PRR5: variants seen among roughly 807,000 people sequenced by gnomAD.
The protein encoded by PRR5 is proline-rich protein 5.
A neutral mutation model predicts 30.6 loss-of-function variants in PRR5; 25 were observed. That is an observed-to-expected ratio of 0.82 (90% confidence interval 0.60 to 1.14). The LOEUF is 1.14. Ranked by LOEUF, PRR5 falls within the 50% of genes most tolerant of loss-of-function variation. The pLI is 0.00. For missense variants in PRR5, 600 were observed against 547.1 expected (o/e 1.10, Z -0.96); for synonymous variants, 286 against 247.1 (o/e 1.16, Z -1.48).
chr22:44,669,281 G>A (rs1321824671), intron 1 of PRR5, among the ~76,000 whole-genome samples: 1 of 152,122 alleles, frequency 6.6e-6, no homozygotes, highest in Non-Finnish European at 1.5e-5. Flanking sequence ...AAAGATGGTC[G>A]AGGATGGGGG....
At chr22:44,673,615 C>T (rs1036171122), upstream of PRR5, among the ~76,000 whole-genome samples, 3 of 152,164 alleles carry the variant, frequency 2.0e-5, no homozygotes, top group African/African-American at 7.2e-5. Flanking sequence ...GGTGGATAGA[C>T]GTGTGGCTCC....
chr22:44,713,248 C>T (rs928356284), intron 1 of PRR5, among the ~76,000 whole-genome samples: 3 of 152,194 alleles, frequency 2.0e-5, no homozygotes, highest in African/African-American at 7.2e-5. Flanking sequence ...GAGGCCAGCT[C>T]CTGTCATCCG....
chr22:44,701,744 G>T (rs1926315766), upstream of PRR5, among the ~76,000 whole-genome samples: 1 of 152,250 alleles, frequency 6.6e-6, no homozygotes, highest in African/African-American at 2.4e-5. Context: ...GGGCCAAGGT[G>T]CCTGGAGGGG....
upstream of PRR5, among the ~76,000 whole-genome samples, chr22:44,698,866 C>A (rs1926004223): frequency 6.6e-6 from 1 of 152,238 alleles, no homozygotes; most frequent in Admixed American, 6.5e-5. Context: ...TTGCCCCCTG[C>A]TCTGAGGGTT....
intron 2 of PRR5, among the ~76,000 whole-genome samples, chr22:44,721,972 C>T (rs1209928130): frequency 6.6e-6 from 1 of 152,160 alleles, no homozygotes; most frequent in Non-Finnish European, 1.5e-5. Context: ...GCTGCGTGGA[C>T]GTGGGGATCA....
chr22:44,712,293 A>G (rs1928367910), intron 1 of PRR5, among the ~76,000 whole-genome samples: 1 of 152,210 alleles, frequency 6.6e-6, no homozygotes, highest in Non-Finnish European at 1.5e-5. Flanking sequence ...CCCGCTGAGA[A>G]GCTGATGAAG....
chr22:44,679,241 C>CACAG (rs58797334), intron 1 of PRR5: 30,942 of 152,358 alleles, frequency 0.2, 3,885 homozygotes, highest in East Asian at 0.38. Context: ...CCCACAAACA[C>CACAG]ACAGACAGAA....
In PRR5 at chr22:44,692,583, G is replaced by A. The variant is rs201636975; in HGVS notation, c.-10-9909G>A. 6.0e-5 allele frequency among the ~76,000 whole-genome samples: 9 copies of A among 151,110 alleles called. No individual in the cohort carries two copies. The East Asian group carries it at 1.6e-3, about 27-fold the overall frequency. ...TCCTCCACCCAGGGCTCCTCCTCCC[G>A]GGGCTCCTCCTCCCAGGGCAGTGTC... On this transcript the variant is annotated intron_variant, in intron 1 of 8. Coordinates refer to the PRR5 transcript ENST00000006251.
At chr22:44,680,248 C>T (rs1021090469) in intron 1 of PRR5, among the ~76,000 whole-genome samples, 15 of 152,306 alleles carry the variant, frequency 9.8e-5, no homozygotes, top group African/African-American at 3.4e-4. Flanking sequence ...TGCTGTACCT[C>T]TCTGAGTCTC....
intron 6 of PRR5, 130 bp downstream of exon 6, chr22:44,732,521 A>G (rs1922216339): frequency 1.2e-5 from 16 of 1,377,250 alleles, no homozygotes; most frequent in East Asian, 2.5e-5. Flanking sequence ...TCAGAGGAGA[A>G]GCCTGTCAGG....
chr22:44,711,848 C>T (rs541705117), intron 1 of PRR5, among the ~76,000 whole-genome samples: 6 of 152,280 alleles, frequency 3.9e-5, no homozygotes, highest in Non-Finnish European at 7.4e-5. Context: ...CCTGGCATCT[C>T]CACTGCCTCC....
At chr22:44,680,426 A>T (rs9614875) in intron 1 of PRR5, among the ~76,000 whole-genome samples, 13,959 of 152,202 alleles carry the variant, frequency 0.092, 814 homozygotes, top group East Asian at 0.27. Context: ...GGATGGGGAC[A>T]GAAGTGAGCA....
In PRR5 at chr22:44,737,523, C is replaced by T; in HGVS notation, c.*276C>T. 2 of 523,682 alleles carry T rather than the reference C, an allele frequency of 3.8e-6. No individual in the cohort carries two copies. Among genetic ancestry groups the T allele is most frequent in the Non-Finnish European group, 3.2e-6 (1 of 311,916 alleles). 32.4% of individuals were successfully genotyped at this position (523,682 alleles called of 1,614,324 possible). A position where few individuals can be genotyped will look rare whatever the true frequency, so the allele number is the denominator to read the frequency against. Reference sequence around the variant, plus strand: ...CCGCTCGCTCCCACGCTCCTCCTGCCCCAGCCCTCTGGTGTCCACACCTGC... The same window carrying T: ...CCGCTCGCTCCCACGCTCCTCCTGCTCCAGCCCTCTGGTGTCCACACCTGC... On this transcript the variant is annotated 3_prime_UTR_variant, in exon 8 of 8. Coordinates refer to ENST00000336985, the MANE Select transcript of PRR5 (RefSeq NM_181333.4).
At chr22:44,697,240 G>C (rs1036072042), upstream of PRR5, among the ~76,000 whole-genome samples, 3 of 152,194 alleles carry the variant, frequency 2.0e-5, no homozygotes, top group Non-Finnish European at 4.4e-5. Context: ...GAGTCACCGC[G>C]AGTACCCTGG....
chr22:44,677,943 C>T (rs1241929101), intron 1 of PRR5, among the ~76,000 whole-genome samples: 1 of 152,186 alleles, frequency 6.6e-6, no homozygotes, highest in Non-Finnish European at 1.5e-5. Flanking sequence ...GAGGCCCTGG[C>T]AGGCTTTGCA....
intron 2 of PRR5, 53 bp from the exon 3 acceptor site, chr22:44,725,191 A>C (rs1569102804): frequency 6.8e-6 from 11 of 1,606,006 alleles, no homozygotes; most frequent in Non-Finnish European, 9.4e-6. Flanking sequence ...TGGGTCCCCC[A>C]TGCCAGTGCC....
intron 1 of PRR5, among the ~76,000 whole-genome samples, chr22:44,709,409 T>A (rs932614455): frequency 5.3e-5 from 8 of 152,078 alleles, no homozygotes; most frequent in Non-Finnish European, 1.2e-4. Flanking sequence ...GTCACGCTGC[T>A]GGCTGTGAAG....
intron 4 of PRR5, 44 bp downstream of exon 4, chr22:44,726,678 CCTGGCTGGCTG>C: frequency 6.2e-7 from 1 of 1,613,636 alleles, no homozygotes; most frequent in Non-Finnish European, 8.5e-7. Context: ...CATGCTGGGT[CCTGGCTGGCTG>C]CTGGACTGCT....
At chr22:44,730,628 G>T in intron 4 of PRR5, 1 of 1,010,182 alleles carries the variant, frequency 9.9e-7, no homozygotes, top group Non-Finnish European at 1.2e-6. Flanking sequence ...CTGTCAAGAT[G>T]TGTCCCCATA....
Sources: gnomAD v4.1 joint callset for allele counts (sites outside exome capture counted in the v4.1 genomes callset) on GRCh38, gnomAD v4.1.1 for gene constraint, MANE v1.5 for transcripts, NCBI Gene and HGNC (gene_info 2026-07-23, HGNC 2026-07-21) for gene names.